PADI6: variants seen among roughly 807,000 people sequenced by gnomAD.
PADI6 encodes the protein inactive protein-arginine deiminase type-6.
Under a neutral mutation model 78.2 loss-of-function variants are expected in PADI6, and 66 were observed. That is an observed-to-expected ratio of 0.84 (90% CI 0.69 to 1.04). PADI6 has a LOEUF of 1.04. PADI6 is among the 50% of genes least tolerant of loss of function. The pLI is 0.00. For missense variants in PADI6, 854 were observed against 866.1 expected (o/e 0.99, Z 0.18); for synonymous variants, 397 against 346.9 (o/e 1.14, Z -1.60).
intron 8 of PADI6, 32 bp downstream of exon 8, chr1:17,388,912 G>A (rs554335974): frequency 4.9e-5 from 76 of 1,555,932 alleles, no homozygotes; most frequent in East Asian, 2.5e-4. Flanking sequence ...TGTGCCAGGC[G>A]GTTCTCATAA....
intron 15 of PADI6, 59 bp from the exon 16 acceptor site, chr1:17,401,146 G>T: frequency 6.6e-7 from 1 of 1,522,744 alleles, no homozygotes; most frequent in South Asian, 1.2e-5. Context: ...GCAGGTGGGC[G>T]GCTGGCTTTC....
chr1:17,380,913 C>G, intron 4 of PADI6, 134 bp from the exon 5 acceptor site: 1 of 637,738 alleles, frequency 1.6e-6, no homozygotes. Flanking sequence ...GATTCTTGAC[C>G]TCACCAGTCC....
chr1:17,376,428 T>G (rs1369990811), intron 3 of PADI6, among the ~76,000 whole-genome samples: 1 of 151,936 alleles, frequency 6.6e-6, no homozygotes, highest in Non-Finnish European at 1.5e-5. Flanking sequence ...GCCTCCCGAG[T>G]AGCTGGGACT....
chr1:17,390,864 C>T (rs537410744), intron 8 of PADI6, among the ~76,000 whole-genome samples: 17 of 152,268 alleles, frequency 1.1e-4, no homozygotes, highest in African/African-American at 3.6e-4. Context: ...TCAAAGAAAC[C>T]CAAGTCTTCC....
rs35174721 is a variant in PADI6, at chr1:17,376,491, AT to A, written c.367+1000del. ...ATTTTTTTTTATTTTTAGTGGGCTAATTTTTTTTATTTTTAGTGGGCTAATT... is the reference window on the plus strand; with the variant it reads ...ATTTTTTTTTATTTTTAGTGGGCTAATTTTTTTATTTTTAGTGGGCTAATT... On this transcript the variant is annotated intron_variant, in intron 3 of 15. Coordinates refer to ENST00000619609, the MANE Select transcript of PADI6 (RefSeq NM_207421.4). 4.7e-5 allele frequency among the ~76,000 whole-genome samples: 7 copies of A among 148,500 alleles called. No individual in the cohort carries two copies. The East Asian group carries it at 1.2e-3, about 25-fold the overall frequency.
intron 1 of PADI6, 34 bp downstream of exon 1, chr1:17,372,395 G>A (rs1557593344): frequency 6.3e-7 from 1 of 1,591,078 alleles, no homozygotes; most frequent in Non-Finnish European, 8.6e-7. Flanking sequence ...GAGGTGGCAG[G>A]CAGACAGGCA....
At chr1:17,394,806 T>A in intron 11 of PADI6, 145 bp from the exon 12 acceptor site, 1 of 989,038 alleles carries the variant, frequency 1.0e-6, no homozygotes, top group Admixed American at 3.0e-5. Context: ...AGTAAGGGAT[T>A]CGTAACCAAC....
chr1:17,394,953 C>T lies in PADI6; in HGVS notation c.1340C>T (p.Ala447Val). 4.3e-6 allele frequency: 7 copies of T among 1,609,686 alleles called. No homozygotes were observed. Among genetic ancestry groups the T allele is most frequent in the Non-Finnish European group, 5.9e-6 (7 of 1,178,586 alleles). Reference sequence around the variant, plus strand: ...TGTTCTTTCCATCTTCCTTCTAGCGCAGAGGGCCGGGCCATGAGTAAGACC... The same window carrying T: ...TGTTCTTTCCATCTTCCTTCTAGCGTAGAGGGCCGGGCCATGAGTAAGACC... ...VLIGSSFYPS[A>V]EGRAMSKTLR... Residue 447 changes from alanine to valine, a missense_variant and splice_region_variant, in exon 12 of 16, where the codon GCA (alanine) becomes GTA (valine). Physicochemically the swap from Ala to Val is moderately conservative, Grantham distance 64 (BLOSUM62 0). Transcript: ENST00000619609.
Position 17,394,469 on chromosome 1 carries a change from C to G in PADI6, c.1337+15C>G. On this transcript the variant is annotated intron_variant, in intron 11 of 15. Transcript: ENST00000619609. ...TTTTACCCCAGGTGAGCCACAAAGCCAGACGCCTCCAAATGAAAGGAAGGG... is the reference window on the plus strand; with the variant it reads ...TTTTACCCCAGGTGAGCCACAAAGCGAGACGCCTCCAAATGAAAGGAAGGG... 1.2e-6 allele frequency: 2 copies of G among 1,609,340 alleles called. No individual in the cohort carries two copies. Among genetic ancestry groups the G allele is most frequent in the Non-Finnish European group, 1.7e-6 (2 of 1,177,060 alleles).
At chr1:17,388,662 G>A in intron 7 of PADI6, 103 bp downstream of exon 7, 1 of 1,458,624 alleles carries the variant, frequency 6.9e-7, no homozygotes, top group Non-Finnish European at 9.3e-7. Context: ...GGGGAGAGCT[G>A]CAGAAGGCAA....
rs757442487 is a variant in PADI6, at chr1:17,381,073, T to A, written c.462T>A (p.Gly154=). Residue 154 remains glycine (G), a synonymous_variant, in exon 5 of 16, where the codon GGT becomes GGA. Transcript: ENST00000619609. The part of the protein sequence containing the change: ...AKKKWIWGPS[G]WGAILLVNCN... ...AAAAATGGATCTGGGGTCCCAGCGG[T>A]TGGGGTGCCATCCTGCTTGTGAATT... 6.2e-7 allele frequency: 1 copy of A among 1,606,720 alleles called. No individual in the cohort carries two copies. The highest frequency in any genetic ancestry group is 8.5e-7 in the Non-Finnish European group (1 of 1,176,824).
chr1:17,397,852 T>C (rs1321550200), intron 14 of PADI6, among the ~76,000 whole-genome samples: 1 of 152,016 alleles, frequency 6.6e-6, no homozygotes, highest in Non-Finnish European at 1.5e-5. Context: ...TCCCGGAAAA[T>C]GACATAGCTC....
rs935618890 is a variant in PADI6 at position 17,388,723 on chromosome 1, G to A, written c.859-54G>A. On this transcript the variant is annotated intron_variant, in intron 7 of 15. Coordinates refer to ENST00000619609, the MANE Select transcript of PADI6 (RefSeq NM_207421.4). ...GAACGGCCGGAACCCTGGGGTAAGA[G>A]GGGAGCGAGTAAATGTGGAAGCAGG... The A allele has an allele frequency of 2.6e-5, 41 of 1,557,716 alleles. No homozygotes were observed. In the Admixed American group the frequency reaches 5.8e-4, roughly 22 times the overall value.
At chr1:17,400,554 T>C (rs1019532918) in intron 15 of PADI6, among the ~76,000 whole-genome samples, 3 of 152,208 alleles carry the variant, frequency 2.0e-5, no homozygotes, top group Non-Finnish European at 4.4e-5. Context: ...TCCTACTTAT[T>C]CTAAACCAGA....
intron 15 of PADI6, among the ~76,000 whole-genome samples, chr1:17,400,293 C>T (rs1346518187): frequency 6.6e-6 from 1 of 151,672 alleles, no homozygotes; most frequent in Non-Finnish European, 1.5e-5. Context: ...GCAGGCAGAT[C>T]ACTTGAGGTC....
At chr1:17,380,976 A>G (rs570030573) in intron 4 of PADI6, 71 bp from the exon 5 acceptor site, 5 of 1,305,342 alleles carry the variant, frequency 3.8e-6, no homozygotes, top group Non-Finnish European at 4.3e-6. Flanking sequence ...CCCCTCTGCT[A>G]TGAGGTGCAT....
chr1:17,387,710 C>T (rs1445747045), intron 6 of PADI6, among the ~76,000 whole-genome samples: 1 of 152,178 alleles, frequency 6.6e-6, no homozygotes, highest in Non-Finnish European at 1.5e-5. Context: ...GAGATCACGC[C>T]ACTACACTCC....
At chr1:17,397,585 G>C (rs1376766736) in intron 14 of PADI6, among the ~76,000 whole-genome samples, 3 of 152,194 alleles carry the variant, frequency 2.0e-5, no homozygotes, top group Non-Finnish European at 2.9e-5. Flanking sequence ...AGCTGGGAAA[G>C]CCCTGATTAT....
chr1:17,381,949 G>GC lies in PADI6; in HGVS notation c.554-17dup. The GC allele has an allele frequency of 6.2e-7, 1 of 1,613,324 alleles. No homozygotes were observed. Among genetic ancestry groups the GC allele is most frequent in the Non-Finnish European group, 8.5e-7 (1 of 1,179,464 alleles). On this transcript the variant is annotated splice_polypyrimidine_tract_variant and intron_variant, in intron 5 of 15. Coordinates refer to ENST00000619609, the MANE Select transcript of PADI6 (RefSeq NM_207421.4). ...GGCCTCCAGACATTCCTTAACCTTT[G>GC]CTTTGTCTTTTGCCCAGAAATAACG...
Sources: gnomAD v4.1 joint callset for allele counts (sites outside exome capture counted in the v4.1 genomes callset) on GRCh38, gnomAD v4.1.1 for gene constraint, MANE v1.5 for transcripts, NCBI Gene and HGNC (gene_info 2026-07-23, HGNC 2026-07-21) for gene names.